Variants in LRRC4C observed in about 807,000 individuals in gnomAD.
The protein encoded by LRRC4C is leucine rich repeat containing 4C.
In LRRC4C, 5 loss-of-function variants were observed where a neutral mutation model predicts 33.6. The observed-to-expected ratio is 0.15, with a 90% CI of 0.08 to 0.31. The LOEUF is 0.31. Among genes scored for constraint, LRRC4C ranks in the 10% least tolerant of loss-of-function variants. The pLI, the probability that LRRC4C is intolerant of heterozygous loss-of-function variation, is 1.00. For synonymous variants in LRRC4C, 329 were observed against 302.0 expected (o/e 1.09, Z -0.93); for missense variants, 560 against 796.7 (o/e 0.70, Z 3.58).
At chr11:40,708,297 G>A (rs183211352) in intron 2 of LRRC4C, among the ~76,000 whole-genome samples, 1 of 151,928 alleles carries the variant, frequency 6.6e-6, no homozygotes, top group African/African-American at 2.4e-5. Flanking sequence ...TCTTTTAATT[G>A]TGATGTTAGG....
intron 2 of LRRC4C, among the ~76,000 whole-genome samples, chr11:40,680,929 G>C (rs1433201220): frequency 1.3e-5 from 2 of 152,098 alleles, no homozygotes; most frequent in Non-Finnish European, 2.9e-5. Context: ...TATACCTACA[G>C]CACATCTCAA....
chr11:40,962,714 T>C (rs1253816773), intron 1 of LRRC4C, among the ~76,000 whole-genome samples: 3 of 151,682 alleles, frequency 2.0e-5, no homozygotes. Flanking sequence ...CTTCAGCAGA[T>C]AGAAAGATCT....
chr11:41,025,789 A>G (rs1354413009), intron 1 of LRRC4C, among the ~76,000 whole-genome samples: 1 of 151,766 alleles, frequency 6.6e-6, no homozygotes, highest in Non-Finnish European at 1.5e-5. Flanking sequence ...TTTCATAGCT[A>G]GAGAGAAAAA....
intron 1 of LRRC4C, among the ~76,000 whole-genome samples, chr11:41,251,610 G>A (rs925925009): frequency 1.1e-4 from 16 of 152,208 alleles, no homozygotes; most frequent in South Asian, 4.1e-4. Context: ...ATCACATTTT[G>A]TAGGGAGCAA....
Position 41,135,321 on chromosome 11 carries a change from A to G in LRRC4C, c.-495-201598T>C, listed in dbSNP as rs186024920. On this transcript the variant is annotated intron_variant, in intron 1 of 6. Transcript: ENST00000528697. ...CAAAACAATAAAAAACAGACGTGCTAGACAAAGAAAGTGAAATTTAGGAGC... is the reference window on the plus strand; with the variant it reads ...CAAAACAATAAAAAACAGACGTGCTGGACAAAGAAAGTGAAATTTAGGAGC... Among the ~76,000 whole-genome samples the G allele has an allele frequency of 1.1e-4, 16 of 152,302 alleles. No individual in the cohort carries two copies. In the East Asian group the frequency reaches 2.9e-3, roughly 28 times the overall value.
intron 1 of LRRC4C, among the ~76,000 whole-genome samples, chr11:41,294,551 T>C (rs1443021513): frequency 6.6e-6 from 1 of 152,224 alleles, no homozygotes; most frequent in African/African-American, 2.4e-5. Flanking sequence ...TAGTAGAATA[T>C]ATTTTATTTA....
intron 3 of LRRC4C, among the ~76,000 whole-genome samples, chr11:40,344,125 A>G (rs11035790): frequency 0.48 from 72,828 of 151,808 alleles, 18,170 homozygotes; most frequent in East Asian, 0.84. Flanking sequence ...AATTGAGGAG[A>G]AGGTACTCCT....
intron 1 of LRRC4C, among the ~76,000 whole-genome samples, chr11:41,068,250 G>T (rs1292908649): frequency 6.6e-6 from 1 of 151,972 alleles, no homozygotes; most frequent in African/African-American, 2.4e-5. Context: ...AAAATTAGCT[G>T]GGCATGGTGG....
chr11:41,391,728 C>A (rs148472961), intron 1 of LRRC4C, among the ~76,000 whole-genome samples: 2 of 151,786 alleles, frequency 1.3e-5, no homozygotes, highest in Middle Eastern at 3.2e-3. Flanking sequence ...TCCTATAATA[C>A]CTCAGGAAAT....
chr11:40,218,334 T>C (rs1461862812), intron 5 of LRRC4C, among the ~76,000 whole-genome samples: 1 of 152,062 alleles, frequency 6.6e-6, no homozygotes, highest in Non-Finnish European at 1.5e-5. Flanking sequence ...AAAGAATAAC[T>C]TTGCTAGGGC....
At chr11:41,191,735 C>T (rs1490565950) in intron 1 of LRRC4C, among the ~76,000 whole-genome samples, 1 of 152,124 alleles carries the variant, frequency 6.6e-6, no homozygotes, top group African/African-American at 2.4e-5. Flanking sequence ...CCCAACTTCT[C>T]ATCAAGCAGA....
At chr11:40,776,640 A>C (rs1950008034) in intron 2 of LRRC4C, among the ~76,000 whole-genome samples, 1 of 151,968 alleles carries the variant, frequency 6.6e-6, no homozygotes, top group South Asian at 2.1e-4. Context: ...CAATCTAGCT[A>C]GTCATCTATC....
chr11:40,803,482 T>C (rs1951120824), intron 2 of LRRC4C, among the ~76,000 whole-genome samples: 3 of 152,182 alleles, frequency 2.0e-5, no homozygotes, highest in Admixed American at 6.5e-5. Flanking sequence ...AGAAATTGGT[T>C]CAATAAAATG....
intron 3 of LRRC4C, among the ~76,000 whole-genome samples, chr11:40,580,255 A>T (rs146817982): frequency 0.011 from 1,631 of 152,280 alleles, 38 homozygotes; most frequent in African/African-American, 0.037. Context: ...TCATGGTGGA[A>T]GGTGAAGGGG....
At chr11:40,805,680 C>T (rs1334550329) in intron 2 of LRRC4C, among the ~76,000 whole-genome samples, 1 of 152,022 alleles carries the variant, frequency 6.6e-6, no homozygotes, top group Non-Finnish European at 1.5e-5. Flanking sequence ...GAGTCTTGTT[C>T]TTCACTTTCT....
intron 2 of LRRC4C, among the ~76,000 whole-genome samples, chr11:40,871,033 C>G (rs1954614694): frequency 6.6e-6 from 1 of 152,022 alleles, no homozygotes; most frequent in South Asian, 2.1e-4. Context: ...ATGGTCGAAG[C>G]TGTAGGGATG....
chr11:40,752,229 G>C (rs189789639), intron 2 of LRRC4C, among the ~76,000 whole-genome samples: 41 of 151,980 alleles, frequency 2.7e-4, no homozygotes, highest in South Asian at 1.9e-3. Context: ...AGGTATAGAC[G>C]ACTGACACAA....
At chr11:40,309,412 A>C (rs1176395302) in intron 4 of LRRC4C, among the ~76,000 whole-genome samples, 1 of 152,192 alleles carries the variant, frequency 6.6e-6, no homozygotes, top group Non-Finnish European at 1.5e-5. Flanking sequence ...ATTGCCAAAT[A>C]ATATTGCATT....
At chr11:40,623,838 G>C (rs965933326) in intron 3 of LRRC4C, among the ~76,000 whole-genome samples, 8 of 151,870 alleles carry the variant, frequency 5.3e-5, no homozygotes, top group South Asian at 2.1e-4. Flanking sequence ...TTTGGAATTT[G>C]GTCCTTATCT....
Sources: allele counts gnomAD v4.1 joint callset (sites outside exome capture counted in the v4.1 genomes callset), GRCh38; gene constraint gnomAD v4.1.1; transcripts MANE v1.5; gene names NCBI Gene and HGNC (gene_info 2026-07-23, HGNC 2026-07-21).